Variants in CRX observed in about 807,000 individuals in gnomAD.
CRX encodes the protein cone-rod homeobox protein.
CRX carries 5 observed loss-of-function variants against 13.1 expected under a neutral mutation model. That is an observed-to-expected ratio of 0.38 (90% CI 0.20 to 0.80). The LOEUF is 0.80. Ranked by LOEUF, CRX falls within the 30% of genes least tolerant of loss-of-function variation. The pLI, the probability that CRX is intolerant of heterozygous loss-of-function variation, is 0.43. For missense variants in CRX, 351 were observed against 391.8 expected (o/e 0.90, Z 0.88); for synonymous variants, 179 against 171.1 (o/e 1.05, Z -0.36).
chr19:47,839,346 A>G lies in CRX; in HGVS notation c.279A>G (p.Lys93=). ...TTTGGTTCAAGAACCGGAGGGCTAA[A>G]TGCAGGCAGCAGCGACAGCAGCAGA... The part of the protein sequence containing the change: ...VQVWFKNRRA[K]CRQQRQQQKQ... Residue 93 remains lysine, a synonymous_variant, in exon 4 of 4, where the codon AAA becomes AAG. Coordinates refer to ENST00000221996, the MANE Select transcript of CRX (RefSeq NM_000554.6). The surrounding 1 kb of genome is among the most constrained non-coding windows in gnomAD (Gnocchi z 4.6). The G allele has an allele frequency of 6.2e-7, 1 of 1,613,604 alleles. No individual in the cohort carries two copies. Among genetic ancestry groups the G allele is most frequent in the Non-Finnish European group, 8.5e-7 (1 of 1,179,800 alleles).
chr19:47,838,775 G>T (rs1460944946), intron 3 of CRX, among the ~76,000 whole-genome samples: 1 of 151,858 alleles, frequency 6.6e-6, no homozygotes, highest in Non-Finnish European at 1.5e-5. Context: ...TCATATAGAT[G>T]GGTAAATGCA....
intron 1 of CRX, among the ~76,000 whole-genome samples, chr19:47,827,537 CTTTTT>C (rs71180887): frequency 1.1e-5 from 1 of 90,354 alleles, no homozygotes; most frequent in South Asian, 4.0e-4. Context: ...TTTCTGAAGG[CTTTTT>C]TTTTTTTTTT....
At chr19:47,828,392 G>A (rs1599972703) in intron 1 of CRX, among the ~76,000 whole-genome samples, 1 of 152,152 alleles carries the variant, frequency 6.6e-6, no homozygotes, top group East Asian at 1.9e-4. Flanking sequence ...GACAGTGAGA[G>A]GAACGGAAGA....
At chr19:47,828,936 A>G (rs1968010734) in intron 1 of CRX, among the ~76,000 whole-genome samples, 1 of 142,616 alleles carries the variant, frequency 7.0e-6, no homozygotes, top group Non-Finnish European at 1.6e-5. Context: ...ACACACACAC[A>G]CACACAATTA....
At chr19:47,823,727 G>A (rs1256402637) in intron 1 of CRX, among the ~76,000 whole-genome samples, 1 of 149,672 alleles carries the variant, frequency 6.7e-6, no homozygotes, top group East Asian at 1.9e-4. Flanking sequence ...TCAGCTCAGT[G>A]CAACCTCCAC....
rs138135666 is a variant in CRX at position 47,838,664 on chromosome 19, C to T, written c.253-656C>T. On this transcript the variant is annotated intron_variant, in intron 3 of 3. Transcript: ENST00000221996. ...ATGTATGATCAGATAGATGGGTAAA[C>T]GTATGCATGATGTATGTGCGTATGG... Among the ~76,000 whole-genome samples the T allele has an allele frequency of 2.7e-3, 401 of 150,884 alleles. 3 individuals carry two copies. The highest frequency in any genetic ancestry group is 9.4e-3 in the African/African-American group (385 of 41,076).
intron 1 of CRX, among the ~76,000 whole-genome samples, chr19:47,831,088 C>G (rs1968038514): frequency 6.6e-6 from 1 of 151,992 alleles, no homozygotes; most frequent in African/African-American, 2.4e-5. Flanking sequence ...GCAGGCGGAT[C>G]ACGAGGTCAG....
At chr19:47,824,665 C>CTGCA (rs1967953604) in intron 1 of CRX, among the ~76,000 whole-genome samples, 1 of 152,144 alleles carries the variant, frequency 6.6e-6, no homozygotes, top group South Asian at 2.1e-4. Context: ...ATGGAGTTAT[C>CTGCA]TGCATGTCTG....
In CRX at chr19:47,840,780, G is replaced by C. The variant is rs1968186946; in HGVS notation, c.*813G>C. On this transcript the variant is annotated 3_prime_UTR_variant, in exon 4 of 4. Coordinates refer to ENST00000221996, the MANE Select transcript of CRX (RefSeq NM_000554.6). The stretch of plus-strand genomic sequence containing the variant: ...GCTGGAGTGCAGTGGTGTGATCTCA[G>C]CTCACTGACTGCAACCTCCACCTCC... 1 of 140,956 alleles carries C rather than the reference G, an allele frequency of 7.1e-6. No individual in the cohort carries two copies. Among genetic ancestry groups the C allele is most frequent in the Non-Finnish European group, 1.5e-5 (1 of 66,304 alleles). 8.7% of individuals were successfully genotyped at this position (140,956 alleles called of 1,614,324 possible).
At chr19:47,836,679 C>T (rs1345694920) in intron 3 of CRX, among the ~76,000 whole-genome samples, 1 of 152,202 alleles carries the variant, frequency 6.6e-6, no homozygotes, top group South Asian at 2.1e-4. Flanking sequence ...CAGATAACCA[C>T]ACAGCAGGCC....
In CRX at chr19:47,839,301, C is replaced by T. The variant is rs766371297; in HGVS notation, c.253-19C>T. ...CTCTTCCCCACTTACCCACCCCCAT[C>T]TCCGCTCTTATCCCCCAGGTTTGGT... On this transcript the variant is annotated intron_variant, in intron 3 of 3. Transcript: ENST00000221996. The surrounding 1 kb of genome is among the most constrained non-coding windows in gnomAD (Gnocchi z 4.6). The T allele has an allele frequency of 6.2e-7, 1 of 1,611,572 alleles. No individual in the cohort carries two copies. Among genetic ancestry groups the T allele is most frequent in the Non-Finnish European group, 8.5e-7 (1 of 1,179,212 alleles).
chr19:47,824,230 C>T (rs1967947627), intron 1 of CRX, among the ~76,000 whole-genome samples: 1 of 152,176 alleles, frequency 6.6e-6, no homozygotes, highest in Non-Finnish European at 1.5e-5. Flanking sequence ...CCACTCATCA[C>T]CTGTGTGACC....
Position 47,834,517 on chromosome 19 carries a change from T to C in CRX, c.74T>C (p.Leu25Pro), listed in dbSNP as rs1236725891. Residue 25 changes from leucine to proline, a missense_variant, in exon 2 of 4, where the codon CTG becomes CCG. Physicochemically the swap from Leu to Pro is moderately conservative, Grantham distance 98. Around this residue, in one of 3 missense-constraint regions of CRX, gnomAD observed 95 missense variants for 106.7 expected, o/e 0.89. Coordinates refer to ENST00000221996, the MANE Select transcript of CRX (RefSeq NM_000554.6). Reference protein sequence around the residue: ...ALALSGPSVDLMHQAVPYPSA... With the variant: ...ALALSGPSVDPMHQAVPYPSA... ...GCCCTAAGTGGCCCCAGTGTGGATCTGATGCACCAGGCTGTGCCCTACCCA... is the reference window on the plus strand; with the variant it reads ...GCCCTAAGTGGCCCCAGTGTGGATCCGATGCACCAGGCTGTGCCCTACCCA... 6 of 1,614,088 alleles carry C rather than the reference T, an allele frequency of 3.7e-6. No homozygotes were observed. In the South Asian group the frequency reaches 5.5e-5, roughly 15 times the overall value.
At chr19:47,833,358 T>C (rs773157726) in intron 1 of CRX, among the ~76,000 whole-genome samples, 5 of 151,718 alleles carry the variant, frequency 3.3e-5, no homozygotes, top group African/African-American at 4.8e-5. Context: ...CTTGGCTCAC[T>C]GCAACCTCTG....
At chr19:47,835,620 G>GTTTTTTTTTT (rs34872129) in intron 2 of CRX, among the ~76,000 whole-genome samples, 3 of 102,196 alleles carry the variant, frequency 2.9e-5, no homozygotes, top group African/African-American at 1.2e-4. Context: ...TTTAGCTCTT[G>GTTTTTTTTTT]TTTTTTTTTT....
intron 2 of CRX, among the ~76,000 whole-genome samples, chr19:47,834,847 C>A (rs375423164): frequency 6.6e-6 from 1 of 152,142 alleles, no homozygotes; most frequent in Non-Finnish European, 1.5e-5. Flanking sequence ...GTCTCACACT[C>A]TGTCACCCAG....
At chr19:47,827,837 A>T (rs1331880859) in intron 1 of CRX, among the ~76,000 whole-genome samples, 1 of 2,750 alleles carries the variant, frequency 3.6e-4, no homozygotes, top group African/African-American at 2.4e-3. Context: ...CATCTTTATT[A>T]AAAAAAAAAA....
At chr19:47,832,709 C>T (rs1341875616) in intron 1 of CRX, among the ~76,000 whole-genome samples, 1 of 152,078 alleles carries the variant, frequency 6.6e-6, no homozygotes, top group Non-Finnish European at 1.5e-5. Context: ...TAATCTCAAA[C>T]TCCTGACCTC....
intron 2 of CRX, 26 bp from the exon 3 acceptor site, chr19:47,836,217 G>C: frequency 6.2e-7 from 1 of 1,613,988 alleles, no homozygotes; most frequent in South Asian, 1.1e-5. Flanking sequence ...GATGACCTGA[G>C]GGTCCTGTTT....
Sources: allele counts gnomAD v4.1 joint callset (sites outside exome capture counted in the v4.1 genomes callset), GRCh38; gene constraint gnomAD v4.1.1; regional missense constraint gnomAD v4.1.1; non-coding constraint Gnocchi (gnomAD v3.1); transcripts MANE v1.5; gene names NCBI Gene and HGNC (gene_info 2026-07-23, HGNC 2026-07-21).